Variants in SORCS2 observed in about 807,000 individuals in gnomAD.
SORCS2 encodes the protein VPS10 domain-containing receptor SorCS2.
Under a neutral mutation model 141.6 loss-of-function variants are expected in SORCS2, and 100 were observed. That is an observed-to-expected ratio of 0.71 (90% CI 0.60 to 0.83). SORCS2 has a LOEUF of 0.83. SORCS2 is among the 40% of genes least tolerant of loss of function. The pLI is 0.00. For missense variants in SORCS2, 1,646 were observed against 1,560.2 expected (o/e 1.05, Z -0.93); for synonymous variants, 789 against 676.9 (o/e 1.17, Z -2.57).
chr4:7,302,099 C>G (rs1416713764), intron 1 of SORCS2, among the ~76,000 whole-genome samples: 1 of 152,246 alleles, frequency 6.6e-6, no homozygotes, highest in Non-Finnish European at 1.5e-5. Flanking sequence ...CACTTGATGA[C>G]ACGACATTTT....
intron 19 of SORCS2, among the ~76,000 whole-genome samples, chr4:7,724,151 G>GTGA (rs1726826621): frequency 1.2e-5 from 1 of 85,210 alleles, no homozygotes; most frequent in Non-Finnish European, 2.2e-5. Flanking sequence ...GATGGTCGTG[G>GTGA]TGGTGGTGGT....
intron 1 of SORCS2, among the ~76,000 whole-genome samples, chr4:7,374,651 G>A (rs112911313): frequency 2.0e-5 from 3 of 152,110 alleles, no homozygotes; most frequent in Non-Finnish European, 2.9e-5. Flanking sequence ...TCTCAGTAAC[G>A]ACCAAGAGCT....
At chr4:7,571,531 C>T (rs1399786340) in intron 3 of SORCS2, among the ~76,000 whole-genome samples, 1 of 152,116 alleles carries the variant, frequency 6.6e-6, no homozygotes, top group Non-Finnish European at 1.5e-5. Flanking sequence ...TCTACCTGGG[C>T]AGTCCCGTGG....
intron 10 of SORCS2, among the ~76,000 whole-genome samples, chr4:7,688,420 T>C (rs1724007292): frequency 6.6e-6 from 1 of 152,142 alleles, no homozygotes; most frequent in African/African-American, 2.4e-5. Flanking sequence ...AAAAAAGTAA[T>C]TTTAAGGTGG....
chr4:7,552,755 C>T (rs770567381), intron 3 of SORCS2, among the ~76,000 whole-genome samples: 2 of 152,090 alleles, frequency 1.3e-5, no homozygotes, highest in Non-Finnish European at 2.9e-5. Context: ...ACCTTCCTGC[C>T]TCTCCACTCC....
chr4:7,259,412 G>T (rs1714160206), intron 1 of SORCS2, among the ~76,000 whole-genome samples: 2 of 152,202 alleles, frequency 1.3e-5, no homozygotes, highest in Non-Finnish European at 2.9e-5. Flanking sequence ...GGGCTCACAG[G>T]GGTTGTACTC....
chr4:7,475,397 G>C (rs1007638923), intron 2 of SORCS2, among the ~76,000 whole-genome samples: 2 of 152,162 alleles, frequency 1.3e-5, no homozygotes, highest in Non-Finnish European at 1.5e-5. Context: ...GAGGAGGCCC[G>C]GATGCCTCTG....
chr4:7,728,299 A>C, intron 21 of SORCS2, 51 bp from the exon 22 acceptor site: 1 of 1,428,000 alleles, frequency 7.0e-7, no homozygotes, highest in South Asian at 1.2e-5. Context: ...TGGAGCCGTC[A>C]GAGCCAGGCT....
intron 3 of SORCS2, among the ~76,000 whole-genome samples, chr4:7,534,678 G>A (rs898841297): frequency 1.3e-5 from 2 of 152,134 alleles, no homozygotes; most frequent in Non-Finnish European, 2.9e-5. Flanking sequence ...GCTGGGGCAG[G>A]GCCTGGTTGG....
intron 3 of SORCS2, among the ~76,000 whole-genome samples, chr4:7,625,114 A>G (rs978805277): frequency 6.6e-6 from 1 of 152,216 alleles, no homozygotes; most frequent in Non-Finnish European, 1.5e-5. Flanking sequence ...AAATTTACAA[A>G]TGTTCTCAAG....
intron 11 of SORCS2, among the ~76,000 whole-genome samples, chr4:7,693,345 T>G (rs936797884): frequency 6.6e-6 from 1 of 152,220 alleles, no homozygotes; most frequent in Non-Finnish European, 1.5e-5. Flanking sequence ...CTGCACGGCC[T>G]GTGGCCAGCT....
chr4:7,275,410 T>A (rs866840849), intron 1 of SORCS2, among the ~76,000 whole-genome samples: 10 of 152,274 alleles, frequency 6.6e-5, no homozygotes, highest in Admixed American at 2.6e-4. Context: ...ACCTATCATG[T>A]GTCTGGCTCA....
At chr4:7,617,473 T>C (rs935325542) in intron 3 of SORCS2, among the ~76,000 whole-genome samples, 3 of 152,082 alleles carry the variant, frequency 2.0e-5, no homozygotes, top group Non-Finnish European at 4.4e-5. Context: ...GTGTGGGGTG[T>C]GCATAGAATC....
At position 7,304,543 on chromosome 4, in the gene SORCS2, C is replaced by G. The variant is rs115391830; in HGVS notation, c.481-91745C>G. ...CATTGAGCCTGGGCTCCCTGATATC[C>G]TCTGGGCCTGTGAGAGCCAGGTAGC... is the stretch of plus-strand genomic sequence containing the variant. On this transcript the variant is annotated intron_variant, in intron 1 of 26. Coordinates refer to ENST00000507866, the MANE Select transcript of SORCS2 (RefSeq NM_020777.3). 5.3e-3 allele frequency among the ~76,000 whole-genome samples: 805 copies of G among 152,344 alleles called. 8 individuals are homozygous for G. Among genetic ancestry groups the G allele is most frequent in the African/African-American group, 0.018 (746 of 41,578 alleles).
In SORCS2 at chr4:7,448,234, C is replaced by T. The variant is rs890128289; in HGVS notation, c.548+51879C>T. On this transcript the variant is annotated intron_variant, in intron 2 of 26. Coordinates refer to ENST00000507866, the MANE Select transcript of SORCS2 (RefSeq NM_020777.3). ...AGCAGGGAGAGTGGCCGGAGTGTGG[C>T]GCCTGGAGGTGGAACTGCGGCGCAG... 3.9e-5 allele frequency among the ~76,000 whole-genome samples: 6 copies of T among 152,094 alleles called. No homozygotes were observed. In the East Asian group the frequency reaches 7.7e-4, roughly 20 times the overall value.
intron 9 of SORCS2, among the ~76,000 whole-genome samples, chr4:7,677,029 C>T (rs564070317): frequency 5.3e-5 from 8 of 151,392 alleles, no homozygotes; most frequent in East Asian, 2.0e-4. Flanking sequence ...CTCTCTCTCT[C>T]TCTGTCTCTC....
At position 7,355,966 on chromosome 4, in the gene SORCS2, T is replaced by G. The variant is rs377098711; in HGVS notation, c.481-40322T>G. Among the ~76,000 whole-genome samples the G allele has an allele frequency of 1.3e-3, 193 of 152,340 alleles. 5 individuals are homozygous for G. In the South Asian group the frequency reaches 0.039, roughly 30 times the overall value. On this transcript the variant is annotated intron_variant, in intron 1 of 26. Coordinates refer to ENST00000507866, the MANE Select transcript of SORCS2 (RefSeq NM_020777.3). ...CACCTGCCCTCTGCCCTCCCTTCCT[T>G]CCACTCTTCCCTGGGTTTCTCGGCT...
chr4:7,353,753 G>A (rs891246641), intron 1 of SORCS2, among the ~76,000 whole-genome samples: 4 of 152,186 alleles, frequency 2.6e-5, no homozygotes, highest in Non-Finnish European at 5.9e-5. Flanking sequence ...GGCTGGCTAG[G>A]GGTGGGGTTG....
chr4:7,459,572 C>G (rs1181902243), intron 2 of SORCS2, among the ~76,000 whole-genome samples: 1 of 152,196 alleles, frequency 6.6e-6, no homozygotes, highest in East Asian at 1.9e-4. Context: ...GCCACGATGC[C>G]TGGCCCCGGG....
Sources: gnomAD v4.1 joint callset for allele counts (sites outside exome capture counted in the v4.1 genomes callset) on GRCh38, gnomAD v4.1.1 for gene constraint, MANE v1.5 for transcripts, NCBI Gene and HGNC (gene_info 2026-07-23, HGNC 2026-07-21) for gene names.